Variants in ADAMTSL1 observed in about 807,000 individuals in gnomAD.
The protein encoded by ADAMTSL1 is ADAMTS like 1.
Under a neutral mutation model 201.8 loss-of-function variants are expected in ADAMTSL1, and 126 were observed. That is an observed-to-expected ratio of 0.62 (90% CI 0.54 to 0.72). The LOEUF is 0.72. Among genes scored for constraint, ADAMTSL1 ranks in the 30% least tolerant of loss-of-function variants. The probability of loss-of-function intolerance (pLI) is 0.00; values close to 1 mark genes in which losing one functional copy is unlikely to be tolerated. For missense variants in ADAMTSL1, 2,679 were observed against 2,277.8 expected, an observed-to-expected ratio of 1.18 and a Z score of -3.59; for synonymous variants, 1,121 against 903.4, an observed-to-expected ratio of 1.24 and a Z score of -4.32.
intron 2 of ADAMTSL1, among the ~76,000 whole-genome samples, chr9:18,258,541 G>T (rs1366753911): frequency 6.6e-6 from 1 of 152,114 alleles, no homozygotes; most frequent in Admixed American, 6.5e-5. Flanking sequence ...TTGCCATTCT[G>T]TTCCAAAGGG....
intron 7 of ADAMTSL1, among the ~76,000 whole-genome samples, chr9:18,647,009 C>T (rs1587788720): frequency 6.6e-6 from 1 of 152,166 alleles, no homozygotes; most frequent in East Asian, 1.9e-4. Flanking sequence ...GCTGTGAATC[C>T]ATCTGGTCCT....
intron 14 of ADAMTSL1, among the ~76,000 whole-genome samples, chr9:18,719,530 A>G (rs1046698524): frequency 2.0e-5 from 3 of 152,066 alleles, no homozygotes; most frequent in African/African-American, 7.2e-5. Flanking sequence ...ATAGCTGGCT[A>G]ATTTTGTACT....
chr9:18,064,077 A>G (rs1253596213), intron 1 of ADAMTSL1, among the ~76,000 whole-genome samples: 1 of 152,174 alleles, frequency 6.6e-6, no homozygotes, highest in Non-Finnish European at 1.5e-5. Context: ...GGAAACACAG[A>G]TGCTCCTACT....
intron 2 of ADAMTSL1, among the ~76,000 whole-genome samples, chr9:18,212,340 C>G (rs955661245): frequency 6.6e-5 from 10 of 152,132 alleles, no homozygotes; most frequent in Non-Finnish European, 1.2e-4. Context: ...TCTTGTGTGA[C>G]ATGACAAAAT....
At chr9:18,326,369 A>T (rs199742609) in intron 2 of ADAMTSL1, among the ~76,000 whole-genome samples, 1 of 152,016 alleles carries the variant, frequency 6.6e-6, no homozygotes, top group Non-Finnish European at 1.5e-5. Context: ...TGTATTTTTT[A>T]TCAAAATTCA....
At chr9:18,402,536 A>G (rs1454663973) in intron 2 of ADAMTSL1, among the ~76,000 whole-genome samples, 2 of 152,088 alleles carry the variant, frequency 1.3e-5, no homozygotes. Context: ...TCTCCATAGA[A>G]CCGTTTTCAG....
intron 24 of ADAMTSL1, among the ~76,000 whole-genome samples, chr9:18,888,354 T>TC: frequency 6.6e-6 from 1 of 152,224 alleles, no homozygotes; most frequent in East Asian, 1.9e-4. Context: ...CAGATGTGAT[T>TC]CTTTTATGCT....
At chr9:18,479,326 T>C (rs1024476354) in intron 1 of ADAMTSL1, among the ~76,000 whole-genome samples, 1 of 152,242 alleles carries the variant, frequency 6.6e-6, no homozygotes, top group African/African-American at 2.4e-5. Flanking sequence ...TCAGGCTTTT[T>C]GTTTATTGTC....
intron 1 of ADAMTSL1, among the ~76,000 whole-genome samples, chr9:18,026,031 G>C (rs1449673299): frequency 6.6e-6 from 1 of 151,796 alleles, no homozygotes; most frequent in Non-Finnish European, 1.5e-5. Context: ...TTGCATCCTT[G>C]ATTTGGCTTT....
chr9:18,192,498 A>C (rs1312902976), intron 2 of ADAMTSL1, among the ~76,000 whole-genome samples: 1 of 152,122 alleles, frequency 6.6e-6, no homozygotes, highest in Non-Finnish European at 1.5e-5. Context: ...GTGGAGTATT[A>C]AGCTTGCTGA....
intron 1 of ADAMTSL1, among the ~76,000 whole-genome samples, chr9:18,501,481 G>C (rs1822839623): frequency 7.0e-6 from 1 of 142,242 alleles, no homozygotes; most frequent in African/African-American, 2.7e-5. Context: ...TCCAGCCTGG[G>C]CAACAAAGTA....
chr9:18,383,901 G>T (rs1353470616), intron 2 of ADAMTSL1, among the ~76,000 whole-genome samples: 2 of 152,146 alleles, frequency 1.3e-5, no homozygotes, highest in Non-Finnish European at 2.9e-5. Context: ...CTGGGGTCTG[G>T]TTAATGCAGA....
intron 1 of ADAMTSL1, among the ~76,000 whole-genome samples, chr9:17,988,117 A>T (rs890812938): frequency 2.0e-5 from 3 of 152,086 alleles, no homozygotes; most frequent in African/African-American, 7.2e-5. Context: ...TCATCTTGGA[A>T]ACCATGTGTG....
At chr9:17,979,737 G>T (rs1221225223) in intron 1 of ADAMTSL1, among the ~76,000 whole-genome samples, 1 of 152,114 alleles carries the variant, frequency 6.6e-6, no homozygotes, top group Non-Finnish European at 1.5e-5. Context: ...GCATTGGAAA[G>T]AGTAAGTACC....
Position 18,315,616 on chromosome 9 carries a change from G to A in ADAMTSL1, c.207+151635G>A, listed in dbSNP as rs922879315. Among the ~76,000 whole-genome samples, 9 of 152,098 alleles carry A rather than the reference G, an allele frequency of 5.9e-5. No individual in the cohort carries two copies. In the South Asian group the frequency reaches 8.3e-4, roughly 14 times the overall value. On this transcript the variant is annotated intron_variant, in intron 2 of 29. Transcript: ENST00000680146. ...AAGTCCCTCACTGCCCGGGCCGGCC[G>A]CTCTGAGTGCGGGGCCCACCGATCC...
chr9:18,311,433 T>C (rs1159610170), intron 2 of ADAMTSL1, among the ~76,000 whole-genome samples: 1 of 152,094 alleles, frequency 6.6e-6, no homozygotes, highest in Non-Finnish European at 1.5e-5. Flanking sequence ...AAATAGCACG[T>C]CAATGTGTTT....
intron 15 of ADAMTSL1, among the ~76,000 whole-genome samples, chr9:18,744,405 T>G (rs1819012405): frequency 6.6e-6 from 1 of 152,244 alleles, no homozygotes; most frequent in Non-Finnish European, 1.5e-5. Flanking sequence ...ATGTCACAAA[T>G]GTCCTTCTCC....
Position 18,562,688 on chromosome 9 carries a change from A to G in ADAMTSL1, c.238-11342A>G, listed in dbSNP as rs184998539. Among the ~76,000 whole-genome samples, 133 of 152,224 alleles carry G rather than the reference A, an allele frequency of 8.7e-4. 3 individuals are homozygous for G. The East Asian group carries it at 0.021, about 24-fold the overall frequency. On this transcript the variant is annotated intron_variant, in intron 3 of 28. Coordinates refer to ENST00000380548, the MANE Select transcript of ADAMTSL1 (RefSeq NM_001040272.6). ...AGGTTTGGTCTTTTCACATAGTTCC[A>G]TATTTCTTGGAGGCTTTGTTCATTC...
chr9:18,531,732 T>A (rs1819458126), intron 2 of ADAMTSL1, among the ~76,000 whole-genome samples: 1 of 152,202 alleles, frequency 6.6e-6, no homozygotes, highest in Admixed American at 6.5e-5. Flanking sequence ...TCATATTCAT[T>A]CTTCTTTGTA....
Sources: gnomAD v4.1 joint callset for allele counts (sites outside exome capture counted in the v4.1 genomes callset) on GRCh38, gnomAD v4.1.1 for gene constraint, MANE v1.5 for transcripts, NCBI Gene and HGNC (gene_info 2026-07-23, HGNC 2026-07-21) for gene names.